Variants in NELL1 observed in about 807,000 individuals in gnomAD.
The protein encoded by NELL1 is neural EGFL like 1.
In NELL1, 76 loss-of-function variants were observed where a neutral mutation model predicts 107.4. The ratio of observed to expected loss-of-function variants is 0.71; its 90% CI spans 0.59 to 0.86. NELL1 has a LOEUF of 0.86. Among genes scored for constraint, NELL1 ranks in the 40% least tolerant of loss-of-function variants. The pLI, the probability that NELL1 is intolerant of heterozygous loss-of-function variation, is 0.00. For missense variants in NELL1, 1,024 were observed against 1,005.5 expected, an observed-to-expected ratio of 1.02 and a Z score of -0.25; for synonymous variants, 353 against 341.2, an observed-to-expected ratio of 1.03 and a Z score of -0.38.
chr11:20,772,624 C>CATTCATTA (rs1421346824), intron 2 of NELL1, among the ~76,000 whole-genome samples: 2 of 151,964 alleles, frequency 1.3e-5, no homozygotes, highest in African/African-American at 4.8e-5. Context: ...TTCATTCATT[C>CATTCATTA]ATTCATTCAT....
chr11:20,891,100 G>T (rs189476976), intron 5 of NELL1, among the ~76,000 whole-genome samples: 69 of 152,192 alleles, frequency 4.5e-4, no homozygotes, highest in Non-Finnish European at 1.3e-4. Flanking sequence ...AACTGTTAAG[G>T]GCAGCCAGAG....
chr11:21,317,054 C>T (rs1321411926), intron 14 of NELL1, among the ~76,000 whole-genome samples: 1 of 151,658 alleles, frequency 6.6e-6, no homozygotes, highest in East Asian at 1.9e-4. Context: ...ATTTTATTGT[C>T]CTAGGTTAGT....
At chr11:20,846,240 T>C (rs1265211337) in intron 3 of NELL1, among the ~76,000 whole-genome samples, 5 of 152,188 alleles carry the variant, frequency 3.3e-5, no homozygotes, top group African/African-American at 4.8e-5. Flanking sequence ...CTGCTTGCCC[T>C]TCACTGTTTA....
chr11:20,754,710 A>G (rs1856219911), intron 2 of NELL1, among the ~76,000 whole-genome samples: 1 of 152,256 alleles, frequency 6.6e-6, no homozygotes, highest in South Asian at 2.1e-4. Flanking sequence ...AGACAGTTCC[A>G]AGAAAGGAAA....
intron 13 of NELL1, among the ~76,000 whole-genome samples, chr11:21,158,843 T>G (rs186667395): frequency 5.3e-4 from 80 of 152,312 alleles, no homozygotes; most frequent in Non-Finnish European, 9.4e-4. Flanking sequence ...ATTTTTTTTC[T>G]CTTTTCAAGA....
intron 13 of NELL1, among the ~76,000 whole-genome samples, chr11:21,144,744 A>C (rs1855940572): frequency 6.6e-6 from 1 of 152,230 alleles, no homozygotes; most frequent in Admixed American, 6.5e-5. Context: ...AGGCATGAAT[A>C]GAATGCTAAG....
chr11:20,904,342 T>C lies in NELL1; in HGVS notation c.604-13840T>C, dbSNP rs529496155. Among the ~76,000 whole-genome samples the C allele has an allele frequency of 1.4e-4, 22 of 152,264 alleles. 1 individual carries two copies. The South Asian group carries it at 4.6e-3, about 31-fold the overall frequency. On this transcript the variant is annotated intron_variant, in intron 5 of 19. Coordinates refer to ENST00000357134, the MANE Select transcript of NELL1 (RefSeq NM_006157.5). ...TGTTTGAAGTGACAGTTATCCCAAT[T>C]ATCCTGATATGATCATTATATATTG...
intron 16 of NELL1, among the ~76,000 whole-genome samples, chr11:21,534,880 A>G (rs1248988102): frequency 6.6e-6 from 1 of 152,148 alleles, no homozygotes; most frequent in Non-Finnish European, 1.5e-5. Context: ...AATACTGGAT[A>G]CTGGATTTAG....
chr11:21,216,796 C>G (rs1445833223), intron 13 of NELL1, among the ~76,000 whole-genome samples: 2 of 152,134 alleles, frequency 1.3e-5, no homozygotes, highest in East Asian at 1.9e-4. Flanking sequence ...GCAGAAGGGA[C>G]TTGCCTTGTC....
At position 21,349,289 on chromosome 11, in the gene NELL1, T is replaced by C. The variant is rs1414376860; in HGVS notation, c.1550-21564T>C. The stretch of plus-strand genomic sequence containing the variant: ...TATGGAAGCTGGAAAAGCATTAACA[T>C]GTATGACAATAGTTAGCCTATCCAT... On this transcript the variant is annotated intron_variant, in intron 14 of 19. Coordinates refer to ENST00000357134, the MANE Select transcript of NELL1 (RefSeq NM_006157.5). 2.0e-5 allele frequency among the ~76,000 whole-genome samples: 3 copies of C among 152,190 alleles called. No individual in the cohort carries two copies. In the East Asian group the frequency reaches 5.8e-4, roughly 29 times the overall value.
chr11:20,713,990 C>T (rs181629745), intron 2 of NELL1, among the ~76,000 whole-genome samples: 1 of 152,194 alleles, frequency 6.6e-6, no homozygotes, highest in African/African-American at 2.4e-5. Context: ...CCCTCTCACC[C>T]TTCGGGAACT....
intron 14 of NELL1, among the ~76,000 whole-genome samples, chr11:21,305,524 C>T (rs1225755460): frequency 6.6e-6 from 1 of 151,692 alleles, no homozygotes; most frequent in East Asian, 1.9e-4. Context: ...AAGTGTGCTT[C>T]CAAAACATAA....
At chr11:21,159,068 C>T (rs918946517) in intron 13 of NELL1, among the ~76,000 whole-genome samples, 1 of 152,112 alleles carries the variant, frequency 6.6e-6, no homozygotes, top group Non-Finnish European at 1.5e-5. Flanking sequence ...GACCAAGATC[C>T]TAACTCAATC....
At chr11:21,142,353 CTGT>C (rs1327176156) in intron 13 of NELL1, among the ~76,000 whole-genome samples, 1 of 152,210 alleles carries the variant, frequency 6.6e-6, no homozygotes, top group African/African-American at 2.4e-5. Context: ...GCATGCCTTC[CTGT>C]TGTTCTACAG....
At chr11:20,962,843 G>C (rs893420758) in intron 12 of NELL1, among the ~76,000 whole-genome samples, 3 of 152,142 alleles carry the variant, frequency 2.0e-5, no homozygotes, top group Non-Finnish European at 2.9e-5. Context: ...TTGTTGTATG[G>C]AGACTTTCCA....
At chr11:21,186,374 T>C (rs1856935918) in intron 13 of NELL1, among the ~76,000 whole-genome samples, 3 of 151,824 alleles carry the variant, frequency 2.0e-5, no homozygotes, top group African/African-American at 4.9e-5. Flanking sequence ...TGACAGTGAG[T>C]ATATGTGTGT....
intron 14 of NELL1, among the ~76,000 whole-genome samples, chr11:21,309,266 A>ATATATATATATGTGTG (rs1169119497): frequency 0.052 from 1,994 of 38,054 alleles, 75 homozygotes; most frequent in African/African-American, 0.15. Context: ...ATATGTATAT[A>ATATATATATATGTGTG]TATATATATA....
At chr11:21,562,746 GT>G (rs1856880133) in intron 17 of NELL1, among the ~76,000 whole-genome samples, 1 of 151,994 alleles carries the variant, frequency 6.6e-6, no homozygotes, top group Admixed American at 6.6e-5. Flanking sequence ...TATCCTTGAT[GT>G]TTCAGATTTA....
In NELL1 at chr11:21,062,149, A is replaced by G. The variant is rs563171703; in HGVS notation, c.1301-51440A>G. ...TGGTTAGTCGAATTTGAGATGTGTT[A>G]TAAGTGTGAAATGCACACTACATTT... On this transcript the variant is annotated intron_variant, in intron 12 of 19. Coordinates refer to ENST00000357134, the MANE Select transcript of NELL1 (RefSeq NM_006157.5). Among the ~76,000 whole-genome samples the G allele has an allele frequency of 7.0e-4, 107 of 152,368 alleles. 1 individual carries two copies. The South Asian group carries it at 0.021, about 30-fold the overall frequency.
Sources: gnomAD v4.1 joint callset for allele counts (sites outside exome capture counted in the v4.1 genomes callset) on GRCh38, gnomAD v4.1.1 for gene constraint, MANE v1.5 for transcripts, NCBI Gene and HGNC (gene_info 2026-07-23, HGNC 2026-07-21) for gene names.